The following LRRC20 variants were observed in gnomAD, a reference collection of about 807,000 sequenced individuals.
LRRC20 encodes leucine rich repeat containing 20, also known as leucine-rich repeat-containing protein 20.
Under a neutral mutation model 14.4 loss-of-function variants are expected in LRRC20, and 11 were observed. The observed-to-expected ratio is 0.77, with a 90% CI of 0.48 to 1.27. The LOEUF (loss-of-function observed/expected upper bound fraction) is 1.27. LRRC20 is among the 50% of genes most tolerant of loss of function. The pLI is 0.00. For missense variants in LRRC20, 219 were observed against 251.2 expected, an observed-to-expected ratio of 0.87 and a Z score of 0.87; for synonymous variants, 121 against 107.3, an observed-to-expected ratio of 1.13 and a Z score of -0.79.
At chr10:70,334,365 C>T (rs535844056) in intron 3 of LRRC20, among the ~76,000 whole-genome samples, 2 of 152,156 alleles carry the variant, frequency 1.3e-5, no homozygotes, top group Non-Finnish European at 2.9e-5. Flanking sequence ...AAGTAGGAAG[C>T]TGGGGAGGAA....
chr10:70,370,621 T>C (rs1036290046), intron 2 of LRRC20, among the ~76,000 whole-genome samples: 1 of 152,012 alleles, frequency 6.6e-6, no homozygotes, highest in African/African-American at 2.4e-5. Flanking sequence ...CACACACCTG[T>C]AACCCCAGCT....
chr10:70,338,819 C>T (rs574929038), intron 3 of LRRC20, among the ~76,000 whole-genome samples: 2 of 152,278 alleles, frequency 1.3e-5, no homozygotes, highest in African/African-American at 4.8e-5. Context: ...CGCCACCACA[C>T]CCGGCTAATT....
At chr10:70,336,699 T>C (rs1326938934) in intron 3 of LRRC20, among the ~76,000 whole-genome samples, 1 of 152,192 alleles carries the variant, frequency 6.6e-6, no homozygotes, top group Non-Finnish European at 1.5e-5. Flanking sequence ...TGCCTTTGAG[T>C]CTCTGCCAAC....
At chr10:70,377,681 G>A (rs555712089) in intron 1 of LRRC20, among the ~76,000 whole-genome samples, 19 of 152,354 alleles carry the variant, frequency 1.2e-4, no homozygotes, top group African/African-American at 4.6e-4. Context: ...AGGGCAGAGA[G>A]AAGGGGCATG....
chr10:70,334,403 C>T (rs949566378), intron 3 of LRRC20, among the ~76,000 whole-genome samples: 6 of 152,160 alleles, frequency 3.9e-5, no homozygotes, highest in African/African-American at 1.4e-4. Context: ...AACACCCCAA[C>T]AGCCTTTCTG....
At chr10:70,338,503 G>A (rs1842791869) in intron 3 of LRRC20, among the ~76,000 whole-genome samples, 1 of 152,130 alleles carries the variant, frequency 6.6e-6, no homozygotes, top group South Asian at 2.1e-4. Context: ...CTTTCATGGG[G>A]AGACCACATT....
intron 4 of LRRC20, among the ~76,000 whole-genome samples, chr10:70,307,570 C>T (rs1046332154): frequency 1.3e-5 from 2 of 152,204 alleles, no homozygotes; most frequent in Non-Finnish European, 2.9e-5. Context: ...CTGTGGGTCA[C>T]AGCATAGAAC....
intron 2 of LRRC20, among the ~76,000 whole-genome samples, chr10:70,349,135 C>T (rs898359789): frequency 8.7e-5 from 11 of 126,702 alleles, no homozygotes; most frequent in African/African-American, 3.1e-4. Flanking sequence ...TCAGCACAGA[C>T]AGTATATAGT....
chr10:70,317,363 T>C (rs1275939984), intron 4 of LRRC20, among the ~76,000 whole-genome samples: 2 of 152,098 alleles, frequency 1.3e-5, no homozygotes, highest in Non-Finnish European at 2.9e-5. Flanking sequence ...TCTCTCTTTT[T>C]TTTTTTAAAT....
intron 4 of LRRC20, among the ~76,000 whole-genome samples, chr10:70,320,322 GA>G: frequency 6.6e-6 from 1 of 152,028 alleles, no homozygotes; most frequent in South Asian, 2.1e-4. Context: ...TAGATAGATA[GA>G]TAGATAGATA....
At chr10:70,347,274 T>C (rs1365142001) in intron 2 of LRRC20, among the ~76,000 whole-genome samples, 3 of 152,182 alleles carry the variant, frequency 2.0e-5, no homozygotes, top group African/African-American at 4.8e-5. Flanking sequence ...GAACTCTGCA[T>C]TGGGCTGGGG....
At chr10:70,304,736 A>G (rs1475611930) in intron 4 of LRRC20, among the ~76,000 whole-genome samples, 2 of 152,046 alleles carry the variant, frequency 1.3e-5, no homozygotes, top group East Asian at 3.9e-4. Flanking sequence ...GCACCTGGCA[A>G]CCACCATGAA....
intron 2 of LRRC20, among the ~76,000 whole-genome samples, chr10:70,365,853 G>A (rs534986186): frequency 6.6e-6 from 1 of 151,312 alleles, no homozygotes; most frequent in South Asian, 2.1e-4. Flanking sequence ...GGCGGATCAC[G>A]AGGTCAGGAG....
intron 3 of LRRC20, among the ~76,000 whole-genome samples, chr10:70,326,810 G>A (rs1349908944): frequency 6.6e-6 from 1 of 152,124 alleles, no homozygotes; most frequent in Non-Finnish European, 1.5e-5. Context: ...CCGCCACCAC[G>A]CCTGGCTAAT....
intron 2 of LRRC20, among the ~76,000 whole-genome samples, chr10:70,344,670 G>A (rs532194897): frequency 9.3e-4 from 141 of 152,180 alleles, no homozygotes; most frequent in African/African-American, 3.2e-3. Flanking sequence ...GGGCTTAAAC[G>A]ATCCTCCCAC....
chr10:70,314,031 G>T (rs1841765056), intron 4 of LRRC20, among the ~76,000 whole-genome samples: 1 of 152,204 alleles, frequency 6.6e-6, no homozygotes, highest in Admixed American at 6.5e-5. Flanking sequence ...CAGAATGAGA[G>T]CCAGGTGAAA....
intron 2 of LRRC20, among the ~76,000 whole-genome samples, chr10:70,347,756 T>G: frequency 7.0e-6 from 1 of 142,734 alleles, no homozygotes. Context: ...GAGGAGGAGG[T>G]TACAGTGAGC....
At chr10:70,367,962 G>C (rs376358942) in intron 2 of LRRC20, among the ~76,000 whole-genome samples, 2 of 124,244 alleles carry the variant, frequency 1.6e-5, no homozygotes, top group African/African-American at 6.6e-5. Flanking sequence ...ATCTGCCTAT[G>C]TTATGTTATG....
intron 4 of LRRC20, among the ~76,000 whole-genome samples, chr10:70,310,241 G>C (rs546984777): frequency 1.1e-3 from 175 of 152,336 alleles, no homozygotes; most frequent in Non-Finnish European, 2.2e-3. Context: ...ACAGCATCCT[G>C]ACAAGAGAGG....
Sources: allele counts gnomAD v4.1 joint callset (sites outside exome capture counted in the v4.1 genomes callset), GRCh38; gene constraint gnomAD v4.1.1; transcripts MANE v1.5; gene names NCBI Gene and HGNC (gene_info 2026-07-23, HGNC 2026-07-21).